The following GRIK2 variants were observed in gnomAD, a reference collection of about 807,000 sequenced individuals.
GRIK2 encodes the protein glutamate ionotropic receptor kainate type subunit 2.
A neutral mutation model predicts 100.3 loss-of-function variants in GRIK2; 32 were observed. The observed-to-expected ratio is 0.32, with a 90% confidence interval of 0.24 to 0.43. The LOEUF (loss-of-function observed/expected upper bound fraction) is 0.43. Among genes scored for constraint, GRIK2 ranks in the 20% least tolerant of loss-of-function variants. The pLI is 1.00. For missense variants in GRIK2, 843 were observed against 1,114.9 expected, an observed-to-expected ratio of 0.76 and a Z score of 3.47; for synonymous variants, 417 against 389.4, an observed-to-expected ratio of 1.07 and a Z score of -0.83.
At chr6:101,785,045 T>A (rs1251783959) in intron 7 of GRIK2, among the ~76,000 whole-genome samples, 3 of 152,232 alleles carry the variant, frequency 2.0e-5, no homozygotes, top group Non-Finnish European at 4.4e-5. Context: ...ATTTCCCTGA[T>A]GATTAGTGAT....
intron 7 of GRIK2, among the ~76,000 whole-genome samples, chr6:101,688,383 G>A (rs1725129453): frequency 1.3e-5 from 2 of 151,692 alleles, no homozygotes; most frequent in Non-Finnish European, 1.5e-5. Flanking sequence ...GTCCCTCTGT[G>A]ACTTTACACA....
intron 10 of GRIK2, among the ~76,000 whole-genome samples, chr6:101,830,428 C>T (rs2128427700): frequency 6.6e-6 from 1 of 151,656 alleles, no homozygotes; most frequent in Admixed American, 6.6e-5. Context: ...GTGTGACCTA[C>T]TTAAAGAAGT....
intron 4 of GRIK2, among the ~76,000 whole-genome samples, chr6:101,646,844 G>T (rs1781546547): frequency 6.6e-6 from 1 of 151,896 alleles, no homozygotes; most frequent in African/African-American, 2.4e-5. Context: ...GGAAAGGAGA[G>T]ATGAACAGAG....
At chr6:101,541,607 C>T (rs9498614) in intron 2 of GRIK2, among the ~76,000 whole-genome samples, 50,262 of 151,842 alleles carry the variant, frequency 0.33, 8,585 homozygotes, top group South Asian at 0.46. Flanking sequence ...TCTCCCACAT[C>T]CTATGGCACA....
chr6:101,885,300 C>T (rs1383410138), intron 11 of GRIK2, among the ~76,000 whole-genome samples: 1 of 151,688 alleles, frequency 6.6e-6, no homozygotes, highest in East Asian at 1.9e-4. Flanking sequence ...TTATAGAATT[C>T]GAATACTAGA....
At chr6:101,552,958 C>T (rs772958707) in intron 2 of GRIK2, among the ~76,000 whole-genome samples, 6 of 152,290 alleles carry the variant, frequency 3.9e-5, no homozygotes, top group Middle Eastern at 6.8e-3. Flanking sequence ...TGCTCTTTAA[C>T]TTCCACTTGT....
chr6:101,597,184 G>C (rs967360375), intron 2 of GRIK2, among the ~76,000 whole-genome samples: 3 of 151,856 alleles, frequency 2.0e-5, no homozygotes, highest in African/African-American at 7.2e-5. Flanking sequence ...GCTAAATATT[G>C]GGTATACATG....
intron 5 of GRIK2, among the ~76,000 whole-genome samples, chr6:101,680,871 G>A (rs1228924224): frequency 6.6e-6 from 1 of 151,956 alleles, no homozygotes; most frequent in East Asian, 1.9e-4. Flanking sequence ...GAATATTATT[G>A]GTTTATATAA....
intron 2 of GRIK2, among the ~76,000 whole-genome samples, chr6:101,415,365 C>CTTTT (rs55751504): frequency 1.9e-4 from 19 of 100,754 alleles, no homozygotes; most frequent in South Asian, 3.2e-4. Flanking sequence ...TTTTCCATAA[C>CTTTT]TTTTTTTTTT....
intron 12 of GRIK2, chr6:101,890,214 A>G (rs1449728774): frequency 6.0e-6 from 1 of 167,126 alleles, no homozygotes. Flanking sequence ...ACTTGAGTTA[A>G]TAATTCAGTT....
intron 2 of GRIK2, among the ~76,000 whole-genome samples, chr6:101,518,360 A>G (rs1774696020): frequency 6.6e-6 from 1 of 152,158 alleles, no homozygotes; most frequent in African/African-American, 2.4e-5. Context: ...AACTTCTTGC[A>G]TATATAATTT....
chr6:101,615,274 G>A (rs756799170), intron 2 of GRIK2, among the ~76,000 whole-genome samples: 2 of 151,698 alleles, frequency 1.3e-5, no homozygotes, highest in African/African-American at 2.4e-5. Context: ...GGCCCTTCCT[G>A]AATTAAGAAA....
intron 2 of GRIK2, among the ~76,000 whole-genome samples, chr6:101,418,015 CTG>C (rs1293143450): frequency 3.3e-5 from 5 of 152,294 alleles, no homozygotes; most frequent in African/African-American, 1.2e-4. Context: ...ATGCAGAGTT[CTG>C]TGTGTTTATT....
intron 7 of GRIK2, among the ~76,000 whole-genome samples, chr6:101,702,186 TG>T (rs750144429): frequency 4.6e-5 from 7 of 152,004 alleles, no homozygotes; most frequent in Non-Finnish European, 7.4e-5. Flanking sequence ...AATGACTGCA[TG>T]AAAAAAATTG....
intron 2 of GRIK2, among the ~76,000 whole-genome samples, chr6:101,606,466 G>A (rs771847510): frequency 6.6e-5 from 10 of 151,938 alleles, no homozygotes; most frequent in Admixed American, 2.0e-4. Context: ...GCTGGAGTTA[G>A]ATAGAACAGC....
intron 2 of GRIK2, among the ~76,000 whole-genome samples, chr6:101,600,647 G>GT (rs1054674885): frequency 4.0e-5 from 6 of 150,780 alleles, no homozygotes; most frequent in Middle Eastern, 3.4e-3. Context: ...GAAGGTTTTT[G>GT]TTTTTTGTGG....
intron 2 of GRIK2, among the ~76,000 whole-genome samples, chr6:101,510,589 C>T (rs9390751): frequency 0.27 from 36,157 of 136,202 alleles, 5,642 homozygotes; most frequent in East Asian, 0.51. Context: ...GTGGCATGAT[C>T]TCGGCTCAAT....
intron 14 of GRIK2, among the ~76,000 whole-genome samples, chr6:102,006,388 A>ATT (rs1391488839): frequency 0.04 from 4,502 of 111,584 alleles, 81 homozygotes; most frequent in Non-Finnish European, 0.049. Context: ...ATATATATAT[A>ATT]TATTTTTTTT....
intron 2 of GRIK2, among the ~76,000 whole-genome samples, chr6:101,430,216 C>A (rs549843402): frequency 1.3e-5 from 2 of 152,274 alleles, no homozygotes; most frequent in African/African-American, 4.8e-5. Context: ...GGGTATTAAA[C>A]AAATACCAAG....
Sources: allele counts gnomAD v4.1 joint callset (sites outside exome capture counted in the v4.1 genomes callset), GRCh38; gene constraint gnomAD v4.1.1; transcripts MANE v1.5; gene names NCBI Gene and HGNC (gene_info 2026-07-23, HGNC 2026-07-21).